Variants in SNAP25 observed in about 807,000 individuals in gnomAD.
SNAP25 encodes synaptosome associated protein 25.
In SNAP25, 3 loss-of-function variants were observed where a neutral mutation model predicts 28.7. The observed-to-expected ratio is 0.10, with a 90% CI of 0.05 to 0.27. The LOEUF is 0.27. Ranked by LOEUF, SNAP25 falls within the 10% of genes least tolerant of loss-of-function variation. The pLI is 1.00. For missense variants in SNAP25, 117 were observed against 278.7 expected (o/e 0.42, Z 4.13); for synonymous variants, 61 against 88.1 (o/e 0.69, Z 1.72).
intron 3 of SNAP25, among the ~76,000 whole-genome samples, chr20:10,280,163 A>T (rs899115611): frequency 6.6e-6 from 1 of 152,180 alleles, no homozygotes; most frequent in South Asian, 2.1e-4. Flanking sequence ...AGTCTCCCTA[A>T]GGCAAACAAT....
At chr20:10,228,808 AG>A (rs1207329027) in intron 1 of SNAP25, among the ~76,000 whole-genome samples, 1 of 152,106 alleles carries the variant, frequency 6.6e-6, no homozygotes, top group Non-Finnish European at 1.5e-5. Context: ...CCAGATTTCC[AG>A]GGTTCTTTAT....
intron 1 of SNAP25, among the ~76,000 whole-genome samples, chr20:10,221,258 G>A (rs78697464): frequency 0.018 from 2,760 of 152,258 alleles, 79 homozygotes; most frequent in African/African-American, 0.062. Flanking sequence ...GGGGAGGAGC[G>A]GGGGAAGTAG....
chr20:10,255,198 C>A (rs1369401566), intron 1 of SNAP25, among the ~76,000 whole-genome samples: 1 of 152,222 alleles, frequency 6.6e-6, no homozygotes, highest in African/African-American at 2.4e-5. Flanking sequence ...GACAGCCAAC[C>A]TGCCAAGTTT....
At chr20:10,292,913 C>G in intron 4 of SNAP25, 1 of 1,612,224 alleles carries the variant, frequency 6.2e-7, no homozygotes, top group Non-Finnish European at 8.5e-7. Context: ...AAGGCATGAA[C>G]CATATCAACC....
rs147059248 is a variant in SNAP25, at chr20:10,253,016, A to G, written c.-63-22413A>G. 1.6e-3 allele frequency among the ~76,000 whole-genome samples: 242 copies of G among 152,288 alleles called. 1 individual carries two copies. The highest frequency in any genetic ancestry group is 4.6e-3 in the African/African-American group (192 of 41,556). On this transcript the variant is annotated intron_variant, in intron 1 of 7. Transcript: ENST00000254976. ...TTGGGTGCTTAGCACAGCACCTGGTACATCTTAAGGACCTAGTAAAGGTTA... is the reference window on the plus strand; with the variant it reads ...TTGGGTGCTTAGCACAGCACCTGGTGCATCTTAAGGACCTAGTAAAGGTTA...
At chr20:10,295,949 T>C (rs1032038572) in intron 5 of SNAP25, among the ~76,000 whole-genome samples, 2 of 152,138 alleles carry the variant, frequency 1.3e-5, no homozygotes, top group Non-Finnish European at 2.9e-5. Flanking sequence ...AACCCCAGGA[T>C]AGTTTAAACT....
At chr20:10,223,803 C>G (rs2062679622) in intron 1 of SNAP25, among the ~76,000 whole-genome samples, 2 of 152,176 alleles carry the variant, frequency 1.3e-5, no homozygotes, top group South Asian at 2.1e-4. Context: ...ATTTTCTTCA[C>G]AAGACTCTCA....
In SNAP25 at chr20:10,293,519, G is replaced by A. The variant is rs2064042950; in HGVS notation, c.281+241G>A. Among the ~76,000 whole-genome samples the A allele has an allele frequency of 2.0e-5, 3 of 152,158 alleles. No individual in the cohort carries two copies. Among genetic ancestry groups the A allele is most frequent in the South Asian group, 2.1e-4 (1 of 4,834 alleles). On this transcript the variant is annotated intron_variant, in intron 5 of 7. Transcript: ENST00000254976. The surrounding 1 kb of genome is among the most constrained non-coding windows in gnomAD (Gnocchi z 5.6). The stretch of plus-strand genomic sequence containing the variant: ...CTGTCAGCAACTTTTATTGATGAAC[G>A]TTTCAACATTTTCCAGAAAGTGTAC...
intron 4 of SNAP25, among the ~76,000 whole-genome samples, chr20:10,288,181 A>T (rs1272691697): frequency 6.6e-6 from 1 of 151,968 alleles, no homozygotes; most frequent in Non-Finnish European, 1.5e-5. Flanking sequence ...AAAAAAATTT[A>T]AAAAATAAAT....
intron 1 of SNAP25, among the ~76,000 whole-genome samples, chr20:10,228,229 C>A (rs1254398413): frequency 6.6e-6 from 1 of 152,112 alleles, no homozygotes; most frequent in Non-Finnish European, 1.5e-5. Context: ...AAAAAAGTAA[C>A]TAACTTCCTA....
At chr20:10,276,359 C>G (rs568940241) in intron 2 of SNAP25, among the ~76,000 whole-genome samples, 1 of 152,108 alleles carries the variant, frequency 6.6e-6, no homozygotes, top group Non-Finnish European at 1.5e-5. Context: ...TACTGCAGAT[C>G]AGGACTTGAC....
intron 1 of SNAP25, among the ~76,000 whole-genome samples, chr20:10,252,270 G>T (rs1031461014): frequency 2.6e-5 from 4 of 152,232 alleles, no homozygotes; most frequent in African/African-American, 9.6e-5. Context: ...TCAGTTCACA[G>T]AGTATTTGAG....
intron 1 of SNAP25, among the ~76,000 whole-genome samples, chr20:10,240,314 A>G (rs965128697): frequency 6.6e-6 from 1 of 152,178 alleles, no homozygotes; most frequent in Admixed American, 6.5e-5. Context: ...AAGGGCCTTC[A>G]TCTGATTAAA....
chr20:10,258,162 T>C (rs1430738211), intron 1 of SNAP25, among the ~76,000 whole-genome samples: 1 of 152,212 alleles, frequency 6.6e-6, no homozygotes, highest in Non-Finnish European at 1.5e-5. Flanking sequence ...TCTCGTGTCA[T>C]GGAAATTTAA....
rs1178804494 is a variant in SNAP25, at chr20:10,306,229, G to C, written c.*32G>C. The C allele has an allele frequency of 2.5e-6, 4 of 1,603,820 alleles. No homozygotes were observed. The highest frequency in any genetic ancestry group is 3.4e-6 in the Non-Finnish European group (4 of 1,171,270). ...CCACCCGTGTTCTCCTCCAAATGCT[G>C]TCGGGCAAGATAGCTCCTTCATGCT... On this transcript the variant is annotated 3_prime_UTR_variant, in exon 8 of 8. Transcript: ENST00000254976.
At position 10,296,421 on chromosome 20, in the gene SNAP25, G is replaced by GA. The variant is rs147488836; in HGVS notation, c.282-495dup. The GA allele has an allele frequency of 1.1e-3, 177 of 157,750 alleles. 5 individuals carry two copies. Among genetic ancestry groups the GA allele is most frequent in the Non-Finnish European group, 1.1e-3 (79 of 71,242 alleles). 9.8% of individuals were successfully genotyped at this position (157,750 alleles called of 1,614,324 possible). On this transcript the variant is annotated intron_variant, in intron 5 of 7. Coordinates refer to ENST00000254976, the MANE Select transcript of SNAP25 (RefSeq NM_130811.4). ...GAAATGTTAGTTCCACACGTGTTGGGAAAAAAAAATATTCCACAGGGATCT... is the reference window on the plus strand; with the variant it reads ...GAAATGTTAGTTCCACACGTGTTGGGAAAAAAAAAATATTCCACAGGGATCT...
At chr20:10,236,746 CCTT>C (rs1250437638) in intron 1 of SNAP25, among the ~76,000 whole-genome samples, 1 of 152,028 alleles carries the variant, frequency 6.6e-6, no homozygotes, top group African/African-American at 2.4e-5. Context: ...CCCACCAGAG[CCTT>C]CTTAGCGATT....
At chr20:10,235,159 C>T (rs927723958) in intron 1 of SNAP25, among the ~76,000 whole-genome samples, 2 of 151,942 alleles carry the variant, frequency 1.3e-5, no homozygotes, top group Admixed American at 6.6e-5. Context: ...CTTGAGCCCA[C>T]GAGTTTGAGG....
intron 6 of SNAP25, among the ~76,000 whole-genome samples, chr20:10,297,734 C>T (rs141029363): frequency 3.1e-4 from 47 of 152,320 alleles, no homozygotes; most frequent in Admixed American, 1.3e-3. Flanking sequence ...GCCCCTCACT[C>T]CTCTTGCCCT....
Sources: gnomAD v4.1 joint callset for allele counts (sites outside exome capture counted in the v4.1 genomes callset) on GRCh38, gnomAD v4.1.1 for gene constraint, Gnocchi (gnomAD v3.1) non-coding constraint, MANE v1.5 for transcripts, NCBI Gene and HGNC (gene_info 2026-07-23, HGNC 2026-07-21) for gene names.